CELF2: variants seen among roughly 807,000 people sequenced by gnomAD.
CELF2 encodes the protein CUGBP Elav-like family member 2.
A neutral mutation model predicts 62.6 loss-of-function variants in CELF2; 8 were observed. The observed-to-expected ratio is 0.13, with a 90% CI of 0.07 to 0.23. The LOEUF is 0.23. CELF2 is among the 10% of genes least tolerant of loss of function. CELF2 has a pLI of 1.00. For synonymous variants in CELF2, 258 were observed against 250.0 expected (o/e 1.03, Z -0.30); for missense variants, 333 against 671.0 (o/e 0.50, Z 5.56).
chr10:10,782,431 G>C, the CELF2 span, among the ~76,000 whole-genome samples: 1 of 152,176 alleles, frequency 6.6e-6, no homozygotes, highest in Non-Finnish European at 1.5e-5. Flanking sequence ...TTCTGTTCTA[G>C]TCGGGCCTTC....
rs553747187 is a variant in CELF2 at position 11,226,202 on chromosome 10, A to T, written c.354+8695A>T. On this transcript the variant is annotated intron_variant, in intron 3 of 12. Coordinates refer to ENST00000633077, the MANE Select transcript of CELF2 (RefSeq NM_001326342.2). ...TTTAATTTTCACAACTCCACAGGACATCTGTTGTATACCCTGTTTTACTGA... is the reference window on the plus strand; with the variant it reads ...TTTAATTTTCACAACTCCACAGGACTTCTGTTGTATACCCTGTTTTACTGA... Among the ~76,000 whole-genome samples, 3 of 152,358 alleles carry T rather than the reference A, an allele frequency of 2.0e-5. No individual in the cohort carries two copies. In the South Asian group the frequency reaches 6.2e-4, roughly 32 times the overall value.
chr10:11,099,884 CAAAAAA>C lies in CELF2; in HGVS notation c.75-65589_75-65584del, dbSNP rs869282674. On this transcript the variant is annotated intron_variant, in intron 1 of 12. Transcript: ENST00000633077. ...TTCTACATTAAAACAACAACAACAA[CAAAAAA>C]AAAAAAAAAAAACAGAAAAAACAGC... Among the ~76,000 whole-genome samples, 557 of 93,504 alleles carry C rather than the reference CAAAAAA, an allele frequency of 6.0e-3. 7 individuals carry two copies. Among genetic ancestry groups the C allele is most frequent in the African/African-American group, 0.027 (524 of 19,246 alleles). 61.3% of individuals were successfully genotyped at this position (93,504 alleles called of 152,430 possible). A position where few individuals can be genotyped will look rare whatever the true frequency, so the allele number is the denominator to read the frequency against.
At chr10:10,733,617 G>A in the CELF2 span, among the ~76,000 whole-genome samples, 86 of 152,094 alleles carry the variant, frequency 5.7e-4, no homozygotes, top group African/African-American at 1.5e-3. Flanking sequence ...TGGCTTGGGG[G>A]GGCCTCACAA....
At chr10:10,619,570 C>T in the CELF2 span, among the ~76,000 whole-genome samples, 1 of 152,176 alleles carries the variant, frequency 6.6e-6, no homozygotes, top group Non-Finnish European at 1.5e-5. Flanking sequence ...CTCTTCAACC[C>T]CCCTCAGGCT....
chr10:11,117,460 T>G lies in CELF2; in HGVS notation c.75-48026T>G, dbSNP rs2056798521. Among the ~76,000 whole-genome samples, 1 of 152,218 alleles carries G rather than the reference T, an allele frequency of 6.6e-6. No homozygotes were observed. On this transcript the variant is annotated intron_variant, in intron 1 of 12. Transcript: ENST00000633077. This position sits in a 1 kb window ranked among gnomAD's most constrained non-coding sequence, Gnocchi z 4.1. ...AGATGCTCAAGGAGGCCTTGCTGTC[T>G]ACCTGTGCTACCAGCTTTCCTGTGC...
chr10:10,976,686 A>G (rs1017247256), intron 2 of CELF2, among the ~76,000 whole-genome samples: 2 of 152,168 alleles, frequency 1.3e-5, no homozygotes, highest in Admixed American at 6.5e-5. Flanking sequence ...AAATGCTTAT[A>G]AAGTATTGAT....
At chr10:10,886,607 C>A (rs1471073208) in intron 1 of CELF2, among the ~76,000 whole-genome samples, 1 of 152,198 alleles carries the variant, frequency 6.6e-6, no homozygotes, top group Admixed American at 6.5e-5. Context: ...GAGGCCAAGG[C>A]AGGAGGATGG....
chr10:10,526,543 G>A, the CELF2 span, among the ~76,000 whole-genome samples: 2 of 152,126 alleles, frequency 1.3e-5, no homozygotes, highest in South Asian at 2.1e-4. Flanking sequence ...ACTGATGGCT[G>A]TAAACTAGCC....
chr10:10,722,574 C>A, the CELF2 span, among the ~76,000 whole-genome samples: 1 of 152,134 alleles, frequency 6.6e-6, no homozygotes, highest in Non-Finnish European at 1.5e-5. Flanking sequence ...GAGAGCCAAG[C>A]CCTTAAAACA....
At chr10:10,626,724 C>T in the CELF2 span, among the ~76,000 whole-genome samples, 5 of 152,162 alleles carry the variant, frequency 3.3e-5, no homozygotes, top group African/African-American at 1.2e-4. Flanking sequence ...ATTTGGTGTA[C>T]TTCATTGACA....
Position 11,046,745 on chromosome 10 carries a change from G to T in CELF2, c.74+28582G>T, listed in dbSNP as rs1168016567. Among the ~76,000 whole-genome samples, 1 of 152,188 alleles carries T rather than the reference G, an allele frequency of 6.6e-6. No individual in the cohort carries two copies. The highest frequency in any genetic ancestry group is 1.5e-5 in the Non-Finnish European group (1 of 68,034). Reference sequence around the variant, plus strand: ...CCCAAAGAGTTTTTGTAAATCCCATGTCTTTAATCTCATTTCGCTATTTCT... The same window carrying T: ...CCCAAAGAGTTTTTGTAAATCCCATTTCTTTAATCTCATTTCGCTATTTCT... On this transcript the variant is annotated intron_variant, in intron 1 of 12. Coordinates refer to ENST00000633077, the MANE Select transcript of CELF2 (RefSeq NM_001326342.2). The surrounding 1 kb of genome is among the most constrained non-coding windows in gnomAD (Gnocchi z 4.6).
At chr10:10,589,001 C>T in the CELF2 span, among the ~76,000 whole-genome samples, 1 of 152,210 alleles carries the variant, frequency 6.6e-6, no homozygotes, top group Non-Finnish European at 1.5e-5. Flanking sequence ...AGGTTAATGA[C>T]ATACCTGTGA....
intron 1 of CELF2, among the ~76,000 whole-genome samples, chr10:11,022,727 C>G (rs1202935586): frequency 6.6e-6 from 1 of 152,162 alleles, no homozygotes; most frequent in Non-Finnish European, 1.5e-5. Flanking sequence ...GCAAAATGAT[C>G]TGATACAGCT....
At chr10:10,878,335 G>A (rs1470195334) in intron 1 of CELF2, among the ~76,000 whole-genome samples, 1 of 152,162 alleles carries the variant, frequency 6.6e-6, no homozygotes, top group Non-Finnish European at 1.5e-5. Flanking sequence ...CCTCAGATGG[G>A]AAAAAACAAA....
chr10:11,209,509 C>T (rs2061266816), intron 2 of CELF2, among the ~76,000 whole-genome samples: 1 of 151,144 alleles, frequency 6.6e-6, no homozygotes, highest in Non-Finnish European at 1.5e-5. Flanking sequence ...TTGTCATTGC[C>T]TTTTGCCTCA....
At chr10:10,795,983 C>T (rs57612267), upstream of CELF2, among the ~76,000 whole-genome samples, 2,372 of 152,112 alleles carry the variant, frequency 0.016, 72 homozygotes, top group African/African-American at 0.054. Context: ...AGTGTCTGGG[C>T]GTAACAATAA....
At chr10:11,128,357 A>G (rs2059064574) in intron 1 of CELF2, among the ~76,000 whole-genome samples, 5 of 152,170 alleles carry the variant, frequency 3.3e-5, no homozygotes, top group Non-Finnish European at 7.4e-5. Context: ...TTGTCTTGGC[A>G]ATGTGGGCTC....
the CELF2 span, among the ~76,000 whole-genome samples, chr10:10,597,901 AATTAAT>A: frequency 1.2e-3 from 182 of 152,320 alleles, 1 homozygote; most frequent in East Asian, 0.023. Context: ...ATCTAGGATT[AATTAAT>A]ATTAATATTA....
At chr10:10,969,729 C>A (rs116015640) in intron 2 of CELF2, among the ~76,000 whole-genome samples, 149 of 152,292 alleles carry the variant, frequency 9.8e-4, no homozygotes, top group African/African-American at 3.5e-3. Flanking sequence ...AAGAATAGAT[C>A]TAAAGTCATG....
Sources: gnomAD v4.1 joint callset for allele counts (sites outside exome capture counted in the v4.1 genomes callset) on GRCh38, gnomAD v4.1.1 for gene constraint, Gnocchi (gnomAD v3.1) non-coding constraint, MANE v1.5 for transcripts, NCBI Gene and HGNC (gene_info 2026-07-23, HGNC 2026-07-21) for gene names.